TBCE: variants seen among roughly 807,000 people sequenced by gnomAD.
TBCE encodes tubulin folding cofactor E.
A neutral mutation model predicts 77.0 loss-of-function variants in TBCE; 53 were observed. The ratio of observed to expected loss-of-function variants is 0.69; its 90% CI spans 0.55 to 0.87. TBCE has a LOEUF of 0.87. Among genes scored for constraint, TBCE ranks in the 40% least tolerant of loss-of-function variants. TBCE has a pLI of 0.00. For synonymous variants in TBCE, 235 were observed against 241.3 expected, an observed-to-expected ratio of 0.97 and a Z score of 0.24; for missense variants, 624 against 622.4, an observed-to-expected ratio of 1.00 and a Z score of -0.03.
chr1:235,423,651 C>T (rs1680535707), intron 5 of TBCE: 1 of 153,522 alleles, frequency 6.5e-6, no homozygotes, highest in African/African-American at 2.4e-5. Flanking sequence ...AGGTGTGGGC[C>T]CAAGGGCAGA....
At chr1:235,436,484 C>A in intron 10 of TBCE, 34 bp downstream of exon 10, 2 of 1,610,654 alleles carry the variant, frequency 1.2e-6, no homozygotes, top group South Asian at 2.2e-5. Flanking sequence ...CCACTGCCCC[C>A]CCACACTATA....
Position 235,436,555 on chromosome 1 carries a change from T to A in TBCE, c.910T>A (p.Ser304Thr). The A allele has an allele frequency of 6.2e-7, 1 of 1,613,988 alleles. No homozygotes were observed. The highest frequency in any genetic ancestry group is 1.1e-5 in the South Asian group (1 of 91,076). The part of the protein sequence containing the change: ...FPDAGIGCKT[S>T]MFPSLKYLVV... ...TCCTCTTTTTATAGGGTGCAAAACGTCCATGTTCCCATCCTTGAAGTACCT... is the reference window on the plus strand; with the variant it reads ...TCCTCTTTTTATAGGGTGCAAAACGACCATGTTCCCATCCTTGAAGTACCT... Residue 304 changes from serine to threonine, a missense_variant, in exon 11 of 17, where the codon TCC becomes ACC. By Grantham distance (58) the Ser-to-Thr change is moderately conservative. Coordinates refer to ENST00000642610, the MANE Select transcript of TBCE (RefSeq NM_003193.5).
At chr1:235,382,659 G>A (rs1464214798) in intron 2 of TBCE, among the ~76,000 whole-genome samples, 2 of 151,820 alleles carry the variant, frequency 1.3e-5, no homozygotes, top group Non-Finnish European at 2.9e-5. Flanking sequence ...TTTTGATGGG[G>A]CTGTTTGTTT....
chr1:235,390,600 A>C (rs935909474), intron 2 of TBCE, among the ~76,000 whole-genome samples: 1 of 152,066 alleles, frequency 6.6e-6, no homozygotes, highest in African/African-American at 2.4e-5. Flanking sequence ...AAAAATACAA[A>C]AAATACAAAA....
intron 7 of TBCE, among the ~76,000 whole-genome samples, chr1:235,432,531 G>T (rs1320888409): frequency 1.3e-5 from 2 of 152,152 alleles, no homozygotes; most frequent in African/African-American, 4.8e-5. Flanking sequence ...TGCAATCCCA[G>T]CGCTTTGGGA....
chr1:235,397,718 G>T lies in TBCE; in HGVS notation c.101-3785G>T, dbSNP rs947463398. On this transcript the variant is annotated intron_variant, in intron 2 of 16. Transcript: ENST00000642610. Reference sequence around the variant, plus strand: ...AATCATTGTGAATTAATAAACCTGTGTGCTAGTGTCTGGTTCAGTCTTCTG... The same window carrying T: ...AATCATTGTGAATTAATAAACCTGTTTGCTAGTGTCTGGTTCAGTCTTCTG... Among the ~76,000 whole-genome samples, 6 of 152,206 alleles carry T rather than the reference G, an allele frequency of 3.9e-5. No homozygotes were observed. The South Asian group carries it at 1.2e-3, about 31-fold the overall frequency.
chr1:235,379,758 G>A (rs1677508330), intron 1 of TBCE, among the ~76,000 whole-genome samples: 1 of 151,892 alleles, frequency 6.6e-6, no homozygotes, highest in African/African-American at 2.4e-5. Context: ...AGACCAGCCT[G>A]GGCAATGTAG....
At chr1:235,434,618 C>A (rs1334390937) in intron 8 of TBCE, among the ~76,000 whole-genome samples, 4 of 151,266 alleles carry the variant, frequency 2.6e-5, no homozygotes, top group Admixed American at 2.6e-4. Flanking sequence ...CTCACTGTAA[C>A]CTCCGCCTCC....
At chr1:235,443,108 C>T (rs1427810974) in intron 15 of TBCE, 197 bp downstream of exon 15, 2 of 608,340 alleles carry the variant, frequency 3.3e-6, no homozygotes, top group African/African-American at 1.9e-5. Flanking sequence ...TTCAGGTCTC[C>T]CCTAACTTTA....
chr1:235,446,383 G>T (rs1278231746), intron 15 of TBCE, among the ~76,000 whole-genome samples: 3 of 152,078 alleles, frequency 2.0e-5, no homozygotes, highest in Admixed American at 6.6e-5. Context: ...CTCCATGTTG[G>T]CCAGGCTGGT....
At chr1:235,384,637 G>T (rs529519064) in intron 2 of TBCE, among the ~76,000 whole-genome samples, 93 of 151,242 alleles carry the variant, frequency 6.1e-4, no homozygotes, top group African/African-American at 2.0e-3. Flanking sequence ...ATGGTAGTTT[G>T]TATTTCTGTG....
At chr1:235,438,557 A>AAAG (rs1292425876) in intron 12 of TBCE, among the ~76,000 whole-genome samples, 1 of 151,682 alleles carries the variant, frequency 6.6e-6, no homozygotes, top group Non-Finnish European at 1.5e-5. Flanking sequence ...CAAATTAAAA[A>AAAG]AAAAAAGAGT....
At chr1:235,439,597 C>T (rs189945099) in intron 13 of TBCE, among the ~76,000 whole-genome samples, 1 of 130,172 alleles carries the variant, frequency 7.7e-6, no homozygotes, top group Non-Finnish European at 1.6e-5. Flanking sequence ...AATTTATTCT[C>T]CTGCCTTAGC....
At chr1:235,395,570 A>T (rs1572354044) in intron 2 of TBCE, among the ~76,000 whole-genome samples, 1 of 128,802 alleles carries the variant, frequency 7.8e-6, no homozygotes, top group Non-Finnish European at 1.6e-5. Flanking sequence ...TTTAAGGTGG[A>T]GTCTCGCTCT....
rs956256668 is a variant in TBCE at position 235,451,518 on chromosome 1, GAAC to G, written c.*2761_*2763del. The G allele has an allele frequency of 7.0e-6, 1 of 143,772 alleles. No individual in the cohort carries two copies. Among genetic ancestry groups the G allele is most frequent in the African/African-American group, 2.5e-5 (1 of 39,274 alleles). 8.9% of individuals were successfully genotyped at this position (143,772 alleles called of 1,614,324 possible). On this transcript the variant is annotated 3_prime_UTR_variant, in exon 17 of 17. Coordinates refer to ENST00000642610, the MANE Select transcript of TBCE (RefSeq NM_003193.5). The stretch of plus-strand genomic sequence containing the variant: ...GACCGCATCAGAAAACAAGCGCCAT[GAAC>G]AACAGTTGTAGAAACAACAAACTGC...
intron 7 of TBCE, chr1:235,433,959 A>G: frequency 1.8e-6 from 1 of 563,366 alleles, no homozygotes; most frequent in Non-Finnish European, 3.2e-6. Flanking sequence ...ATGCATTGAC[A>G]CGTACCTCCA....
At chr1:235,389,819 AACTT>A (rs1678268100) in intron 2 of TBCE, among the ~76,000 whole-genome samples, 1 of 152,100 alleles carries the variant, frequency 6.6e-6, no homozygotes, top group South Asian at 2.1e-4. Context: ...AACATTTTAA[AACTT>A]ACTTTAAAAA....
intron 15 of TBCE, among the ~76,000 whole-genome samples, chr1:235,443,677 G>T (rs1682054351): frequency 6.6e-6 from 1 of 152,120 alleles, no homozygotes; most frequent in Non-Finnish European, 1.5e-5. Context: ...CTTACGGGAG[G>T]TTTGTGACTT....
At chr1:235,396,149 T>C (rs1477441928) in intron 2 of TBCE, among the ~76,000 whole-genome samples, 2 of 152,092 alleles carry the variant, frequency 1.3e-5, no homozygotes, top group African/African-American at 2.4e-5. Flanking sequence ...AAGCTCCGCC[T>C]CCTGGGTTCA....
Sources: gnomAD v4.1 joint callset for allele counts (sites outside exome capture counted in the v4.1 genomes callset) on GRCh38, gnomAD v4.1.1 for gene constraint, MANE v1.5 for transcripts, NCBI Gene and HGNC (gene_info 2026-07-23, HGNC 2026-07-21) for gene names.